The following PAPPA2 variants were observed in gnomAD, a reference collection of about 807,000 sequenced individuals.
PAPPA2 encodes pappalysin-2.
PAPPA2 carries 86 observed loss-of-function variants against 176.4 expected under a neutral mutation model. The ratio of observed to expected loss-of-function variants is 0.49; its 90% confidence interval spans 0.41 to 0.58. PAPPA2 has a LOEUF of 0.58. PAPPA2 is among the 20% of genes least tolerant of loss of function. PAPPA2 has a pLI of 0.00. For missense variants in PAPPA2, 2,073 were observed against 2,256.9 expected (o/e 0.92, Z 1.65); for synonymous variants, 809 against 852.2 (o/e 0.95, Z 0.88).
At chr1:176,779,698 A>G (rs1664630303) in intron 17 of PAPPA2, among the ~76,000 whole-genome samples, 2 of 152,166 alleles carry the variant, frequency 1.3e-5, no homozygotes, top group African/African-American at 4.8e-5. Flanking sequence ...GACTATCCCT[A>G]TTTTCCAGCT....
At chr1:176,752,534 G>A (rs1389822551) in intron 14 of PAPPA2, among the ~76,000 whole-genome samples, 2 of 152,248 alleles carry the variant, frequency 1.3e-5, no homozygotes, top group African/African-American at 2.4e-5. Context: ...TGAGTAATCA[G>A]TGAATAATGT....
chr1:176,798,627 A>G lies in PAPPA2; in HGVS notation c.5131-1434A>G, dbSNP rs142403088. ...CCAGTGGAACCTGCTTTAAAGCATA[A>G]ACAAGAATTATTTCTAGTTAACAGA... On this transcript the variant is annotated intron_variant, in intron 20 of 22. Coordinates refer to ENST00000367662, the MANE Select transcript of PAPPA2 (RefSeq NM_020318.3). 7.0e-4 allele frequency among the ~76,000 whole-genome samples: 106 copies of G among 152,350 alleles called. No individual in the cohort carries two copies. The Middle Eastern group carries it at 0.01, about 15-fold the overall frequency.
At chr1:176,623,789 T>TTCTTTCTTTCTTTCTC (rs1655837128) in intron 3 of PAPPA2, among the ~76,000 whole-genome samples, 12 of 120,754 alleles carry the variant, frequency 9.9e-5, no homozygotes. Context: ...CTTTCTTTCT[T>TTCTTTCTTTCTTTCTC]TCTTTCTTTC....
At chr1:176,576,422 AT>A (rs1235890000) in intron 2 of PAPPA2, among the ~76,000 whole-genome samples, 1 of 151,926 alleles carries the variant, frequency 6.6e-6, no homozygotes, top group Non-Finnish European at 1.5e-5. Context: ...TGCAGGTGAT[AT>A]GTAAGTAGAG....
chr1:176,675,636 A>G (rs951525869), intron 4 of PAPPA2, among the ~76,000 whole-genome samples: 1 of 152,130 alleles, frequency 6.6e-6, no homozygotes, highest in Non-Finnish European at 1.5e-5. Context: ...CTTAGGAAAC[A>G]TTTAAGACTC....
intron 14 of PAPPA2, among the ~76,000 whole-genome samples, chr1:176,754,513 C>A (rs1663327927): frequency 6.6e-6 from 1 of 151,984 alleles, no homozygotes; most frequent in South Asian, 2.1e-4. Flanking sequence ...AGCCCCATGG[C>A]CCTGCTGAAA....
At chr1:176,762,118 C>T (rs1030551285) in intron 14 of PAPPA2, among the ~76,000 whole-genome samples, 3 of 152,102 alleles carry the variant, frequency 2.0e-5, no homozygotes, top group African/African-American at 4.8e-5. Flanking sequence ...CAGAAGCTAA[C>T]GACCTGACAA....
chr1:176,510,261 T>G (rs778443579), intron 1 of PAPPA2, among the ~76,000 whole-genome samples: 4 of 152,194 alleles, frequency 2.6e-5, no homozygotes, highest in Non-Finnish European at 5.9e-5. Context: ...GAACATGTTA[T>G]GAACAGAGCA....
intron 4 of PAPPA2, among the ~76,000 whole-genome samples, chr1:176,674,752 T>C (rs542601492): frequency 6.6e-6 from 1 of 151,906 alleles, no homozygotes; most frequent in East Asian, 1.9e-4. Context: ...TTTTTTTTCT[T>C]TTCTCCATAT....
chr1:176,554,155 A>C (rs1416223532), intron 1 of PAPPA2, among the ~76,000 whole-genome samples: 1 of 152,182 alleles, frequency 6.6e-6, no homozygotes, highest in Non-Finnish European at 1.5e-5. Context: ...TGAGGTGTTT[A>C]AGATACAGCA....
chr1:176,600,105 GC>G (rs1282048663), intron 3 of PAPPA2, among the ~76,000 whole-genome samples: 1 of 152,166 alleles, frequency 6.6e-6, no homozygotes, highest in African/African-American at 2.4e-5. Context: ...GGTAAGGTAA[GC>G]AGAGGGACAC....
intron 2 of PAPPA2, among the ~76,000 whole-genome samples, chr1:176,588,816 C>T (rs569623431): frequency 6.6e-6 from 1 of 152,274 alleles, no homozygotes; most frequent in African/African-American, 2.4e-5. Context: ...AGCTGCTTGG[C>T]TGCCCTGGGG....
At chr1:176,807,300 G>C (rs916598725) in intron 21 of PAPPA2, among the ~76,000 whole-genome samples, 4 of 152,062 alleles carry the variant, frequency 2.6e-5, no homozygotes, top group Admixed American at 2.6e-4. Context: ...AGCTGAGCTG[G>C]GCTGGAGAGA....
At chr1:176,745,274 G>T (rs1457890694) in intron 14 of PAPPA2, among the ~76,000 whole-genome samples, 1 of 152,170 alleles carries the variant, frequency 6.6e-6, no homozygotes, top group Non-Finnish European at 1.5e-5. Context: ...CTCTTCTGTT[G>T]CTGTGACATG....
At chr1:176,728,564 C>T (rs1210685258) in intron 12 of PAPPA2, among the ~76,000 whole-genome samples, 1 of 151,894 alleles carries the variant, frequency 6.6e-6, no homozygotes, top group Non-Finnish European at 1.5e-5. Context: ...TAGAAAGACT[C>T]AATATCATAC....
At chr1:176,508,008 C>T (rs561497635) in intron 1 of PAPPA2, among the ~76,000 whole-genome samples, 70 of 152,136 alleles carry the variant, frequency 4.6e-4, no homozygotes, top group African/African-American at 1.7e-3. Context: ...AACCTTGGGG[C>T]ATTTGGTCAA....
At chr1:176,686,512 G>A (rs1315811628) in intron 4 of PAPPA2, among the ~76,000 whole-genome samples, 1 of 152,166 alleles carries the variant, frequency 6.6e-6, no homozygotes. Context: ...TGGGGACACA[G>A]CCAAACTATA....
At chr1:176,497,063 A>G (rs1647672540) in intron 1 of PAPPA2, among the ~76,000 whole-genome samples, 2 of 152,046 alleles carry the variant, frequency 1.3e-5, no homozygotes, top group Non-Finnish European at 2.9e-5. Context: ...TGACACATAT[A>G]TGTTCCATGT....
chr1:176,621,335 G>T (rs12131990), intron 3 of PAPPA2, among the ~76,000 whole-genome samples: 10,775 of 152,108 alleles, frequency 0.071, 457 homozygotes, highest in East Asian at 0.21. Flanking sequence ...AGTATGTAAT[G>T]TGCTCATTAG....
Sources: gnomAD v4.1 joint callset for allele counts (sites outside exome capture counted in the v4.1 genomes callset) on GRCh38, gnomAD v4.1.1 for gene constraint, MANE v1.5 for transcripts, NCBI Gene and HGNC (gene_info 2026-07-23, HGNC 2026-07-21) for gene names.